The following PAQR8 variants were observed in gnomAD, a reference collection of about 807,000 sequenced individuals.
PAQR8 encodes the protein progestin and adipoQ receptor family member 8, also known as membrane progestin receptor beta.
Under a neutral mutation model 25.2 loss-of-function variants are expected in PAQR8, and 17 were observed. The ratio of observed to expected loss-of-function variants is 0.67; its 90% confidence interval spans 0.46 to 1.01. PAQR8 has a LOEUF of 1.01. Ranked by LOEUF, PAQR8 falls within the 50% of genes least tolerant of loss-of-function variation. The probability of loss-of-function intolerance (pLI) is 0.00; values close to 1 mark genes in which losing one functional copy is unlikely to be tolerated. For missense variants in PAQR8, 392 were observed against 448.4 expected (o/e 0.87, Z 1.14); for synonymous variants, 204 against 190.6 (o/e 1.07, Z -0.58).
chr6:52,395,735 TAC>T (rs759498823), intron 1 of PAQR8, among the ~76,000 whole-genome samples: 2 of 146,134 alleles, frequency 1.4e-5, no homozygotes, highest in Non-Finnish European at 3.1e-5. Flanking sequence ...GGACTTTATG[TAC>T]ATGTTTTGCC....
At chr6:52,378,628 TAA>T (rs897868123) in intron 1 of PAQR8, among the ~76,000 whole-genome samples, 5 of 151,362 alleles carry the variant, frequency 3.3e-5, no homozygotes, top group South Asian at 4.2e-4. Context: ...CTGTCTCTAC[TAA>T]AAATACAAAA....
chr6:52,369,787 C>T (rs1486038249), intron 1 of PAQR8, among the ~76,000 whole-genome samples: 1 of 152,140 alleles, frequency 6.6e-6, no homozygotes, highest in East Asian at 1.9e-4. Flanking sequence ...GAATTCATTC[C>T]AGAAATCCCA....
intron 1 of PAQR8, among the ~76,000 whole-genome samples, chr6:52,367,157 GGGATGTTACT>G (rs1283578244): frequency 6.6e-6 from 1 of 152,168 alleles, no homozygotes; most frequent in Admixed American, 6.5e-5. Flanking sequence ...TGGAGGGGGA[GGGATGTTACT>G]GGCATCTAAT....
At chr6:52,386,683 AC>A (rs1178398114) in intron 1 of PAQR8, among the ~76,000 whole-genome samples, 1 of 152,158 alleles carries the variant, frequency 6.6e-6, no homozygotes, top group Non-Finnish European at 1.5e-5. Context: ...AGAAGGAGGG[AC>A]CGGGGCAAGG....
chr6:52,382,846 A>T (rs1427474468), intron 1 of PAQR8, among the ~76,000 whole-genome samples: 1 of 152,110 alleles, frequency 6.6e-6, no homozygotes, highest in Non-Finnish European at 1.5e-5. Context: ...CCAGACTAGA[A>T]TGCGGTGTCA....
rs533945260 is a variant in PAQR8, at chr6:52,368,765, A to AT, written c.-53+6525dup. On this transcript the variant is annotated intron_variant, in intron 1 of 1. Transcript: ENST00000442253. The stretch of plus-strand genomic sequence containing the variant: ...TGAGGCATAAAGAGCAAATATACTG[A>AT]TTTTTTTTTAACAGATGAAGAGTGA... Among the ~76,000 whole-genome samples, 462 of 151,886 alleles carry AT rather than the reference A, an allele frequency of 3.0e-3. 3 individuals carry two copies. Among genetic ancestry groups the AT allele is most frequent in the African/African-American group, 0.01 (433 of 41,444 alleles).
chr6:52,367,712 A>T (rs1044616899), intron 1 of PAQR8, among the ~76,000 whole-genome samples: 1 of 152,208 alleles, frequency 6.6e-6, no homozygotes, highest in Non-Finnish European at 1.5e-5. Flanking sequence ...CAAACAGGAC[A>T]GTCCCCCAGA....
chr6:52,379,701 A>C (rs1763531388), intron 1 of PAQR8, among the ~76,000 whole-genome samples: 1 of 140,644 alleles, frequency 7.1e-6, no homozygotes, highest in Non-Finnish European at 1.5e-5. Flanking sequence ...ATCTCGGCTC[A>C]CTGCGAGCTC....
intron 1 of PAQR8, among the ~76,000 whole-genome samples, chr6:52,402,460 A>C (rs981362026): frequency 1.5e-4 from 22 of 148,030 alleles, no homozygotes; most frequent in Non-Finnish European, 1.2e-4. Flanking sequence ...TCTACTGAAA[A>C]TACAAAATTA....
Position 52,379,808 on chromosome 6 carries a change from T to C in PAQR8, c.-53+17559T>C, listed in dbSNP as rs573855034. On this transcript the variant is annotated intron_variant, in intron 1 of 1. Coordinates refer to ENST00000442253, the MANE Select transcript of PAQR8 (RefSeq NM_133367.5). ...CGCCCGGCTAATTTTTTTGTATTTT[T>C]AGTACAGATGGGGTTTCACCGTGTT... is the stretch of plus-strand genomic sequence containing the variant. Among the ~76,000 whole-genome samples the C allele has an allele frequency of 3.3e-5, 5 of 152,268 alleles. No individual in the cohort carries two copies. The East Asian group carries it at 9.6e-4, about 29-fold the overall frequency.
In PAQR8 at chr6:52,403,767, T is replaced by G. The variant is rs763169716; in HGVS notation, c.554T>G (p.Phe185Cys). 2.5e-6 allele frequency: 4 copies of G among 1,614,128 alleles called. No individual in the cohort carries two copies. In the South Asian group the frequency reaches 4.4e-5, roughly 18 times the overall value. ...FWLFFLPAAAFCGWLSCAGCC... is the reference protein window; with the variant it reads ...FWLFFLPAAACCGWLSCAGCC... ...CTTTTCTTCTTGCCAGCAGCTGCCT[T>G]CTGTGGCTGGTTATCTTGTGCTGGC... is the stretch of plus-strand genomic sequence containing the variant. The change falls in exon 2 of 2, where the codon TTC becomes TGC. Residue 185 changes from phenylalanine to cysteine, a missense_variant. Coordinates refer to ENST00000442253, the MANE Select transcript of PAQR8 (RefSeq NM_133367.5).
chr6:52,404,272 T>C lies in PAQR8; in HGVS notation c.1059T>C (p.Asp353=). 2 of 1,585,256 alleles carry C rather than the reference T, an allele frequency of 1.3e-6. No individual in the cohort carries two copies. The highest frequency in any genetic ancestry group is 1.7e-6 in the Non-Finnish European group (2 of 1,158,674). The change falls in exon 2 of 2, where the codon GAT becomes GAC. Residue 353 remains aspartate, a synonymous_variant. Coordinates refer to ENST00000442253, the MANE Select transcript of PAQR8 (RefSeq NM_133367.5). ...TCAAGGCCAGACTGACCAAGAAAGATTCCTGAGGCTGGCAAGTGGGGCAAC... is the reference window on the plus strand; with the variant it reads ...TCAAGGCCAGACTGACCAAGAAAGACTCCTGAGGCTGGCAAGTGGGGCAAC... ...HKVKARLTKK[D]S
intron 1 of PAQR8, among the ~76,000 whole-genome samples, chr6:52,366,667 G>T (rs1417382569): frequency 6.6e-6 from 1 of 152,114 alleles, no homozygotes; most frequent in African/African-American, 2.4e-5. Context: ...TGTTGTGTTT[G>T]GTTTTTGCTC....
intron 1 of PAQR8, among the ~76,000 whole-genome samples, chr6:52,371,773 A>G (rs1209300161): frequency 6.6e-6 from 1 of 152,218 alleles, no homozygotes; most frequent in Non-Finnish European, 1.5e-5. Context: ...TACTTGCATT[A>G]CCTTTGGTCC....
intron 1 of PAQR8, among the ~76,000 whole-genome samples, chr6:52,377,421 T>A (rs776178254): frequency 6.6e-6 from 1 of 152,166 alleles, no homozygotes; most frequent in Non-Finnish European, 1.5e-5. Flanking sequence ...CAATGCAACC[T>A]CAAAGAAGGA....
intron 1 of PAQR8, among the ~76,000 whole-genome samples, chr6:52,396,847 G>A (rs927836396): frequency 1.3e-5 from 2 of 152,124 alleles, no homozygotes; most frequent in Non-Finnish European, 2.9e-5. Context: ...TGCCCATGGG[G>A]GACATTCTTT....
At chr6:52,400,300 C>T (rs1763815068) in intron 1 of PAQR8, among the ~76,000 whole-genome samples, 1 of 152,188 alleles carries the variant, frequency 6.6e-6, no homozygotes, top group Non-Finnish European at 1.5e-5. Flanking sequence ...ATGAATGATT[C>T]CTGCATCTCA....
intron 1 of PAQR8, among the ~76,000 whole-genome samples, chr6:52,377,152 T>TG (rs760002211): frequency 6.6e-6 from 1 of 152,226 alleles, no homozygotes; most frequent in Non-Finnish European, 1.5e-5. Flanking sequence ...TATATAATAT[T>TG]GGCTGTTAGA....
At chr6:52,368,084 G>C (rs1763373873) in intron 1 of PAQR8, among the ~76,000 whole-genome samples, 2 of 152,060 alleles carry the variant, frequency 1.3e-5, no homozygotes, top group African/African-American at 4.8e-5. Flanking sequence ...ACAAAAAATA[G>C]CCAGGTGTGG....
Sources: allele counts gnomAD v4.1 joint callset (sites outside exome capture counted in the v4.1 genomes callset), GRCh38; gene constraint gnomAD v4.1.1; transcripts MANE v1.5; gene names NCBI Gene and HGNC (gene_info 2026-07-23, HGNC 2026-07-21).